CLSTN2: variants seen among roughly 807,000 people sequenced by gnomAD.
The protein encoded by CLSTN2 is calsyntenin 2, also known as calsyntenin-2.
Under a neutral mutation model 101.2 loss-of-function variants are expected in CLSTN2, and 48 were observed. That is an observed-to-expected ratio of 0.47 (90% confidence interval 0.38 to 0.60). CLSTN2 has a LOEUF of 0.60. CLSTN2 is among the 20% of genes least tolerant of loss of function. The pLI, the probability that CLSTN2 is intolerant of heterozygous loss-of-function variation, is 0.00. For missense variants in CLSTN2, 1,160 were observed against 1,238.2 expected, an observed-to-expected ratio of 0.94 and a Z score of 0.95; for synonymous variants, 481 against 463.6, an observed-to-expected ratio of 1.04 and a Z score of -0.48.
intron 1 of CLSTN2, among the ~76,000 whole-genome samples, chr3:140,011,205 C>T (rs1339782158): frequency 2.0e-5 from 3 of 152,158 alleles, no homozygotes; most frequent in Non-Finnish European, 4.4e-5. Context: ...GCAATGTTTT[C>T]AGGAGTCTAT....
chr3:140,505,822 A>T (rs1381891271), intron 8 of CLSTN2: 1 of 152,190 alleles, frequency 6.6e-6, no homozygotes, highest in Admixed American at 6.5e-5. Context: ...AGAATGAAAA[A>T]TTAATTTTCT....
At chr3:140,443,138 T>C (rs1932997518) in intron 5 of CLSTN2, among the ~76,000 whole-genome samples, 1 of 152,232 alleles carries the variant, frequency 6.6e-6, no homozygotes, top group Admixed American at 6.5e-5. Flanking sequence ...TCACTTTGTG[T>C]AAATCCAGCA....
At position 140,330,588 on chromosome 3, in the gene CLSTN2, G is replaced by A. The variant is rs1254311140; in HGVS notation, c.233-73041G>A. Among the ~76,000 whole-genome samples the A allele has an allele frequency of 3.3e-5, 5 of 152,018 alleles. No individual in the cohort carries two copies. In the South Asian group the frequency reaches 6.2e-4, roughly 19 times the overall value. The stretch of plus-strand genomic sequence containing the variant: ...CTGGCTTCCTGAGGTCACCTCCCAA[G>A]TAAATTACTTCATCCAAGTACTAGT... On this transcript the variant is annotated intron_variant, in intron 2 of 16. Transcript: ENST00000458420.
At chr3:140,146,327 G>T (rs1397956371) in intron 1 of CLSTN2, among the ~76,000 whole-genome samples, 1 of 152,254 alleles carries the variant, frequency 6.6e-6, no homozygotes, top group Non-Finnish European at 1.5e-5. Context: ...TGCAACACAG[G>T]TTGTTTTTCT....
At chr3:140,495,796 G>C (rs1344614894) in intron 8 of CLSTN2, among the ~76,000 whole-genome samples, 1 of 152,130 alleles carries the variant, frequency 6.6e-6, no homozygotes, top group African/African-American at 2.4e-5. Flanking sequence ...TTATTTCTAA[G>C]TTATTTATTC....
At chr3:140,081,518 C>A (rs780221220) in intron 1 of CLSTN2, among the ~76,000 whole-genome samples, 1 of 151,928 alleles carries the variant, frequency 6.6e-6, no homozygotes, top group Non-Finnish European at 1.5e-5. Context: ...TTATTTAGTA[C>A]GGAATCAGGA....
chr3:140,536,178 C>G (rs1246393363), intron 9 of CLSTN2, among the ~76,000 whole-genome samples: 2 of 152,044 alleles, frequency 1.3e-5, no homozygotes, highest in African/African-American at 4.8e-5. Context: ...TGTACGGACC[C>G]AGCAGTATCC....
intron 2 of CLSTN2, among the ~76,000 whole-genome samples, chr3:140,319,743 C>CTAATAA (rs1244319156): frequency 5.9e-5 from 9 of 151,816 alleles, no homozygotes; most frequent in Non-Finnish European, 5.9e-5. Flanking sequence ...ATAGATCACT[C>CTAATAA]TAATAATAAG....
At chr3:140,399,118 C>T (rs530669406) in intron 2 of CLSTN2, among the ~76,000 whole-genome samples, 1 of 152,364 alleles carries the variant, frequency 6.6e-6, no homozygotes, top group South Asian at 2.1e-4. Flanking sequence ...CCATGCTCAT[C>T]TGTGTGTTGT....
intron 10 of CLSTN2, among the ~76,000 whole-genome samples, chr3:140,548,604 T>A (rs1390634644): frequency 6.6e-6 from 1 of 151,960 alleles, no homozygotes; most frequent in Admixed American, 6.6e-5. Flanking sequence ...AAGAGGGAAG[T>A]CATTCCAGGC....
intron 1 of CLSTN2, among the ~76,000 whole-genome samples, chr3:140,059,646 G>T (rs1458700819): frequency 1.3e-4 from 20 of 152,102 alleles, no homozygotes. Context: ...TTACTTTTCA[G>T]ATGAGAGGAT....
At chr3:140,529,483 GA>G (rs1935211975) in intron 8 of CLSTN2, among the ~76,000 whole-genome samples, 1 of 152,218 alleles carries the variant, frequency 6.6e-6, no homozygotes, top group African/African-American at 2.4e-5. Flanking sequence ...TCACTTTGCT[GA>G]ATTTTCTTCT....
chr3:140,518,761 T>C (rs1934970112), intron 8 of CLSTN2, among the ~76,000 whole-genome samples: 1 of 152,196 alleles, frequency 6.6e-6, no homozygotes, highest in Non-Finnish European at 1.5e-5. Flanking sequence ...GGAGCAAAAG[T>C]TCACGACGTG....
At chr3:140,108,526 C>T (rs2107793458) in intron 1 of CLSTN2, among the ~76,000 whole-genome samples, 1 of 152,226 alleles carries the variant, frequency 6.6e-6, no homozygotes, top group East Asian at 1.9e-4. Context: ...GCTAGAAGTC[C>T]CATTGAATTT....
intron 2 of CLSTN2, among the ~76,000 whole-genome samples, chr3:140,247,269 G>T (rs1277465169): frequency 6.6e-6 from 1 of 152,156 alleles, no homozygotes; most frequent in African/African-American, 2.4e-5. Context: ...AGCAATTATG[G>T]CCTAATTCTT....
At chr3:140,354,960 C>A (rs1188429461) in intron 2 of CLSTN2, among the ~76,000 whole-genome samples, 2 of 152,188 alleles carry the variant, frequency 1.3e-5, no homozygotes, top group Admixed American at 6.5e-5. Flanking sequence ...GCTCTTCAAA[C>A]ACCTTCATTT....
intron 1 of CLSTN2, among the ~76,000 whole-genome samples, chr3:140,130,678 G>GCC (rs1238687872): frequency 6.6e-6 from 1 of 152,182 alleles, no homozygotes; most frequent in Non-Finnish European, 1.5e-5. Context: ...ACTGGGAGAA[G>GCC]CACAGGGGAC....
intron 8 of CLSTN2, among the ~76,000 whole-genome samples, chr3:140,495,111 A>G (rs1934437711): frequency 6.6e-6 from 1 of 151,870 alleles, no homozygotes; most frequent in Non-Finnish European, 1.5e-5. Context: ...TTCTCTGTAA[A>G]CTCATCAGCA....
At chr3:140,079,854 A>T (rs1461687790) in intron 1 of CLSTN2, among the ~76,000 whole-genome samples, 2 of 152,230 alleles carry the variant, frequency 1.3e-5, no homozygotes, top group African/African-American at 4.8e-5. Context: ...TTTCAAATTG[A>T]TATTTTTAAA....
Sources: gnomAD v4.1 joint callset for allele counts (sites outside exome capture counted in the v4.1 genomes callset) on GRCh38, gnomAD v4.1.1 for gene constraint, MANE v1.5 for transcripts, NCBI Gene and HGNC (gene_info 2026-07-23, HGNC 2026-07-21) for gene names.